CNTNAP2: variants seen among roughly 807,000 people sequenced by gnomAD.
CNTNAP2 encodes contactin-associated protein-like 2.
CNTNAP2 carries 98 observed loss-of-function variants against 155.2 expected under a neutral mutation model. The ratio of observed to expected loss-of-function variants is 0.63; its 90% CI spans 0.54 to 0.75. The LOEUF is 0.75. Among genes scored for constraint, CNTNAP2 ranks in the 30% least tolerant of loss-of-function variants. The pLI, the probability that CNTNAP2 is intolerant of heterozygous loss-of-function variation, is 0.00. For missense variants in CNTNAP2, 1,727 were observed against 1,688.1 expected (o/e 1.02, Z -0.40); for synonymous variants, 651 against 631.2 (o/e 1.03, Z -0.47).
At chr7:146,592,194 G>A (rs753812070) in intron 1 of CNTNAP2, among the ~76,000 whole-genome samples, 3 of 152,116 alleles carry the variant, frequency 2.0e-5, no homozygotes, top group Admixed American at 6.5e-5. Context: ...TAGCCTCCCA[G>A]GTTCCTACAG....
chr7:146,425,955 G>C (rs1477474298), intron 1 of CNTNAP2, among the ~76,000 whole-genome samples: 1 of 151,986 alleles, frequency 6.6e-6, no homozygotes, highest in East Asian at 1.9e-4. Flanking sequence ...GGAGGCCGAG[G>C]TGTGTGGATC....
chr7:147,630,316 T>TAAAAAAAAAAAAAAAAAAAAAAAAC, intron 12 of CNTNAP2, among the ~76,000 whole-genome samples: 1 of 73,078 alleles, frequency 1.4e-5, no homozygotes, highest in Non-Finnish European at 2.9e-5. Context: ...GAAACAGTAG[T>TAAAAAAAAAAAAAAAAAAAAAAAAC]AAAAAAAAAA....
intron 11 of CNTNAP2, among the ~76,000 whole-genome samples, chr7:147,512,174 A>G (rs56201483): frequency 0.027 from 4,129 of 152,232 alleles, 190 homozygotes; most frequent in African/African-American, 0.094. Flanking sequence ...CACTCTCACC[A>G]TCGCCGTGCC....
intron 15 of CNTNAP2, among the ~76,000 whole-genome samples, chr7:148,035,688 A>C (rs1188059221): frequency 6.6e-6 from 1 of 152,156 alleles, no homozygotes; most frequent in Non-Finnish European, 1.5e-5. Context: ...ATTTCCCACT[A>C]TGGCGATGCC....
intron 15 of CNTNAP2, among the ~76,000 whole-genome samples, chr7:148,034,050 A>C (rs529904924): frequency 1.2e-3 from 188 of 152,340 alleles, no homozygotes; most frequent in Non-Finnish European, 2.1e-3. Flanking sequence ...GAATCATAAA[A>C]AAACTGTTAA....
At chr7:146,712,404 A>T (rs538030805) in intron 1 of CNTNAP2, among the ~76,000 whole-genome samples, 9 of 110,558 alleles carry the variant, frequency 8.1e-5, no homozygotes, top group Admixed American at 6.4e-4. Context: ...TAAATAAAAT[A>T]AAAAACAGGA....
chr7:148,092,204 G>A (rs996759577), intron 15 of CNTNAP2, among the ~76,000 whole-genome samples: 7 of 152,248 alleles, frequency 4.6e-5, no homozygotes, highest in South Asian at 2.1e-4. Context: ...ATTCTTCCAC[G>A]ACATTTGTTG....
At chr7:147,217,613 T>C (rs1405061597) in intron 8 of CNTNAP2, among the ~76,000 whole-genome samples, 1 of 151,990 alleles carries the variant, frequency 6.6e-6, no homozygotes, top group Non-Finnish European at 1.5e-5. Context: ...CATAGTTTTC[T>C]TCTACTGTCT....
intron 13 of CNTNAP2, among the ~76,000 whole-genome samples, chr7:147,804,632 C>A (rs1030926574): frequency 5.3e-5 from 8 of 152,104 alleles, no homozygotes; most frequent in Admixed American, 2.0e-4. Flanking sequence ...CGGCTCACTG[C>A]AACCTCTGCC....
chr7:147,654,977 C>T (rs142451189), intron 13 of CNTNAP2, among the ~76,000 whole-genome samples: 2,719 of 150,546 alleles, frequency 0.018, 224 homozygotes, highest in Admixed American at 0.15. Context: ...TCACCATGCC[C>T]GGCTAATTTT....
chr7:148,183,809 T>C (rs1285935960), intron 18 of CNTNAP2, among the ~76,000 whole-genome samples: 1 of 152,166 alleles, frequency 6.6e-6, no homozygotes, highest in African/African-American at 2.4e-5. Flanking sequence ...TATTACAAAA[T>C]TGAATTGCTT....
intron 11 of CNTNAP2, among the ~76,000 whole-genome samples, chr7:147,529,869 C>T (rs1187301740): frequency 6.6e-6 from 1 of 152,058 alleles, no homozygotes; most frequent in South Asian, 2.1e-4. Flanking sequence ...AAATTTATTC[C>T]AAAGGCCAGG....
intron 17 of CNTNAP2, among the ~76,000 whole-genome samples, chr7:148,169,437 A>G (rs1184870510): frequency 1.3e-5 from 2 of 152,208 alleles, no homozygotes; most frequent in Non-Finnish European, 2.9e-5. Context: ...ATTAGACTTA[A>G]AAGTATGATT....
chr7:147,368,020 C>A (rs1468533606), intron 9 of CNTNAP2, among the ~76,000 whole-genome samples: 4 of 87,218 alleles, frequency 4.6e-5, no homozygotes, highest in Non-Finnish European at 4.6e-5. Flanking sequence ...CTCTCCCCCC[C>A]CTCCCCCTCC....
At chr7:146,830,034 G>A (rs1562965412) in intron 2 of CNTNAP2, among the ~76,000 whole-genome samples, 2 of 151,886 alleles carry the variant, frequency 1.3e-5, no homozygotes, top group South Asian at 2.1e-4. Flanking sequence ...GAATATTTTT[G>A]TTATAGGTTT....
At chr7:148,207,017 T>A (rs1235173625) in intron 18 of CNTNAP2, among the ~76,000 whole-genome samples, 2 of 152,230 alleles carry the variant, frequency 1.3e-5, no homozygotes, top group Non-Finnish European at 2.9e-5. Flanking sequence ...CACACTGTTG[T>A]AATGCTGTGT....
At chr7:148,226,967 G>T (rs373961139) in intron 19 of CNTNAP2, among the ~76,000 whole-genome samples, 53 of 152,246 alleles carry the variant, frequency 3.5e-4, no homozygotes, top group Middle Eastern at 3.4e-3. Flanking sequence ...CCCTCAAGCC[G>T]CATTCTTTCC....
At chr7:146,708,588 ATTTT>A (rs71165029) in intron 1 of CNTNAP2, among the ~76,000 whole-genome samples, 2 of 63,956 alleles carry the variant, frequency 3.1e-5, no homozygotes, top group African/African-American at 1.6e-4. Flanking sequence ...AAAAAAAGTG[ATTTT>A]TTTTTTTTTT....
In CNTNAP2 at chr7:147,974,679, A is replaced by G. The variant is rs139076623; in HGVS notation, c.2256-3183A>G. 2.4e-3 allele frequency among the ~76,000 whole-genome samples: 372 copies of G among 152,290 alleles called. 1 individual carries two copies. The highest frequency in any genetic ancestry group is 8.8e-3 in the African/African-American group (366 of 41,568). On this transcript the variant is annotated intron_variant, in intron 14 of 23. Transcript: ENST00000361727. The stretch of plus-strand genomic sequence containing the variant: ...AAACCAACATTACCAAGTGCTGACA[A>G]TGATCTTGAGCAACCTGAATTTTCA...
Sources: gnomAD v4.1 joint callset for allele counts (sites outside exome capture counted in the v4.1 genomes callset) on GRCh38, gnomAD v4.1.1 for gene constraint, MANE v1.5 for transcripts, NCBI Gene and HGNC (gene_info 2026-07-23, HGNC 2026-07-21) for gene names.